The following CCDC181 variants were observed in gnomAD, a reference collection of about 807,000 sequenced individuals.
The protein encoded by CCDC181 is coiled-coil domain-containing protein 181.
A neutral mutation model predicts 58.7 loss-of-function variants in CCDC181; 35 were observed. The observed-to-expected ratio is 0.60, with a 90% CI of 0.46 to 0.79. The LOEUF (loss-of-function observed/expected upper bound fraction) is 0.79, where lower values mean the gene tolerates loss of function less well. Ranked by LOEUF, CCDC181 falls within the 30% of genes least tolerant of loss-of-function variation. The pLI, the probability that CCDC181 is intolerant of heterozygous loss-of-function variation, is 0.00. For missense variants in CCDC181, 517 were observed against 583.9 expected (o/e 0.89, Z 1.18); for synonymous variants, 183 against 197.5 (o/e 0.93, Z 0.62).
intron 2 of CCDC181, among the ~76,000 whole-genome samples, chr1:169,438,081 TTGTAGG>T (rs1369436371): frequency 3.9e-5 from 6 of 152,140 alleles, no homozygotes; most frequent in Non-Finnish European, 8.8e-5. Context: ...AAAAGCAGGC[TTGTAGG>T]TGTCCTAAAC....
chr1:169,399,989 T>C (rs548755404), intron 4 of CCDC181, among the ~76,000 whole-genome samples: 1 of 152,186 alleles, frequency 6.6e-6, no homozygotes, highest in Non-Finnish European at 1.5e-5. Flanking sequence ...TGTGGAGGGA[T>C]GCTCCAAGAG....
At position 169,397,348 on chromosome 1, in the gene CCDC181, T is replaced by C; in HGVS notation, c.1259A>G (p.Lys420Arg). 6.2e-7 allele frequency: 1 copy of C among 1,611,572 alleles called. No homozygotes were observed. Among genetic ancestry groups the C allele is most frequent in the Non-Finnish European group, 8.5e-7 (1 of 1,178,924 alleles). Residue 420 changes from lysine to arginine, a missense_variant, in exon 5 of 6, where the codon AAA (lysine) becomes AGA (arginine). Lys to Arg is a conservative substitution (Grantham distance 26). Transcript: ENST00000367806. ...DPQQAFRLWL[K>R]KKHEEQMKER... ...TTTCATCTGCTCTTCGTGCTTTTTT[T>C]TAAGCCATAATCGAAAAGCTTGTTG...
Position 169,422,291 on chromosome 1 carries a change from T to C in CCDC181, c.140A>G (p.Asn47Ser). 2 of 1,558,786 alleles carry C rather than the reference T, an allele frequency of 1.3e-6. No homozygotes were observed. Among genetic ancestry groups the C allele is most frequent in the Non-Finnish European group, 1.7e-6 (2 of 1,145,288 alleles). Residue 47 changes from asparagine (N) to serine (S), a missense_variant, in exon 3 of 6, where the codon AAT (asparagine) becomes AGT (serine). Physicochemically the swap from Asn to Ser is conservative, Grantham distance 46 (BLOSUM62 1). Coordinates refer to ENST00000367806, the MANE Select transcript of CCDC181 (RefSeq NM_001300969.2). ...ATTCTCTTTTAAGTCTTGGTTAATA[T>C]TCTCTTCCTTCTCACAAGCCATCTA... ...IIEMACEKEE[N>S]INQDLKENET...
At chr1:169,419,988 T>A (rs993029925) in intron 3 of CCDC181, among the ~76,000 whole-genome samples, 2 of 152,194 alleles carry the variant, frequency 1.3e-5, no homozygotes, top group African/African-American at 4.8e-5. Flanking sequence ...AAGTTAGTTA[T>A]AGGATACAAT....
At chr1:169,398,380 G>C (rs1044015917) in intron 4 of CCDC181, among the ~76,000 whole-genome samples, 12 of 152,122 alleles carry the variant, frequency 7.9e-5, no homozygotes, top group Non-Finnish European at 1.6e-4. Flanking sequence ...ACATCACACT[G>C]TACTCCATAA....
At chr1:169,432,393 G>C (rs1389376697), upstream of CCDC181, among the ~76,000 whole-genome samples, 1 of 152,166 alleles carries the variant, frequency 6.6e-6, no homozygotes. Context: ...GGGAGTCCTT[G>C]AGAAAAGAGA....
At chr1:169,434,321 G>GCACT (rs1365249672) in intron 2 of CCDC181, among the ~76,000 whole-genome samples, 1 of 151,942 alleles carries the variant, frequency 6.6e-6, no homozygotes, top group Non-Finnish European at 1.5e-5. Context: ...AAACCCTTAT[G>GCACT]CACTGTTAGT....
Position 169,450,633 on chromosome 1 carries a change from G to C in CCDC181, c.-24+9164C>G, listed in dbSNP as rs545737079. Among the ~76,000 whole-genome samples, 268 of 152,228 alleles carry C rather than the reference G, an allele frequency of 1.8e-3. 3 individuals carry two copies. The highest frequency in any genetic ancestry group is 1.4e-3 in the Non-Finnish European group (96 of 68,012). The stretch of plus-strand genomic sequence containing the variant: ...TATAAGAATGTGCATACAAGTCTTT[G>C]TGTCAACCTATGTGTTTATTTATAT... On this transcript the variant is annotated intron_variant, in intron 2 of 6. Transcript: ENST00000545005.
intron 2 of CCDC181, among the ~76,000 whole-genome samples, chr1:169,444,176 C>G (rs748843904): frequency 2.0e-5 from 3 of 152,154 alleles, no homozygotes; most frequent in African/African-American, 7.2e-5. Flanking sequence ...AGTGCCAACA[C>G]CCTTCATTGG....
chr1:169,435,489 G>A (rs148381099), intron 2 of CCDC181, among the ~76,000 whole-genome samples: 1,955 of 152,264 alleles, frequency 0.013, 31 homozygotes, highest in Middle Eastern at 0.024. Context: ...GGGTTTTCCA[G>A]GACTGATTGA....
intron 3 of CCDC181, among the ~76,000 whole-genome samples, chr1:169,419,898 G>C (rs1028281038): frequency 1.3e-5 from 2 of 152,116 alleles, no homozygotes; most frequent in African/African-American, 4.8e-5. Flanking sequence ...GAAAATATGG[G>C]CATAAAAAAG....
intron 4 of CCDC181, among the ~76,000 whole-genome samples, chr1:169,402,595 C>G (rs1655413018): frequency 1.3e-5 from 2 of 152,120 alleles, no homozygotes; most frequent in African/African-American, 4.8e-5. Context: ...ACCTTACAGA[C>G]AAGCAAATGC....
Position 169,394,908 on chromosome 1 carries a change from A to G in CCDC181, c.*139T>C. 2 of 744,718 alleles carry G rather than the reference A, an allele frequency of 2.7e-6. No homozygotes were observed. Among genetic ancestry groups the G allele is most frequent in the African/African-American group, 1.8e-5 (1 of 55,502 alleles). 46.1% of individuals were successfully genotyped at this position (744,718 alleles called of 1,614,324 possible). On this transcript the variant is annotated 3_prime_UTR_variant, in exon 6 of 6. Coordinates refer to ENST00000367806, the MANE Select transcript of CCDC181 (RefSeq NM_001300969.2). ...AGAAAAAAATTTATTTTGTTCTAGT[A>G]TTAAAAAAACAAATTCACTGTCAAT... is the stretch of plus-strand genomic sequence containing the variant.
chr1:169,449,776 A>G (rs1452358923), intron 2 of CCDC181, among the ~76,000 whole-genome samples: 7 of 152,180 alleles, frequency 4.6e-5, no homozygotes, highest in Non-Finnish European at 2.9e-5. Context: ...TCTAGCTGCG[A>G]TGGCAGCTGA....
At chr1:169,456,440 GCTAATGA>G (rs1657677886) in intron 2 of CCDC181, among the ~76,000 whole-genome samples, 1 of 151,894 alleles carries the variant, frequency 6.6e-6, no homozygotes. Context: ...AATTAGTAAA[GCTAATGA>G]CTGTTTGGTG....
chr1:169,397,152 T>G (rs1655089733), intron 5 of CCDC181, 85 bp downstream of exon 5: 8 of 1,299,156 alleles, frequency 6.2e-6, no homozygotes, highest in Non-Finnish European at 8.2e-6. Context: ...TTGAGGGTTT[T>G]TTTTTTCCAA....
At chr1:169,449,714 G>A (rs1226606978) in intron 2 of CCDC181, among the ~76,000 whole-genome samples, 1 of 152,210 alleles carries the variant, frequency 6.6e-6, no homozygotes, top group Non-Finnish European at 1.5e-5. Context: ...AAAGATGAAG[G>A]CTGGAAGACT....
chr1:169,408,974 C>G (rs1186261397), intron 4 of CCDC181, among the ~76,000 whole-genome samples: 1 of 152,190 alleles, frequency 6.6e-6, no homozygotes, highest in Non-Finnish European at 1.5e-5. Context: ...ACCAGAATGC[C>G]TCTTCTCCTC....
rs533314668 is a variant in CCDC181, at chr1:169,423,929, A to G, written c.117+882T>C. On this transcript the variant is annotated intron_variant, in intron 2 of 5. Coordinates refer to ENST00000367806, the MANE Select transcript of CCDC181 (RefSeq NM_001300969.2). ...TGTCTTTTCCATTATATAAGAAAGC[A>G]AAATGGAACTAAGAAATCTGTAATA... is the stretch of plus-strand genomic sequence containing the variant. 9.2e-5 allele frequency among the ~76,000 whole-genome samples: 14 copies of G among 152,124 alleles called. No individual in the cohort carries two copies. The East Asian group carries it at 2.7e-3, about 29-fold the overall frequency.
Sources: allele counts gnomAD v4.1 joint callset (sites outside exome capture counted in the v4.1 genomes callset), GRCh38; gene constraint gnomAD v4.1.1; transcripts MANE v1.5; gene names NCBI Gene and HGNC (gene_info 2026-07-23, HGNC 2026-07-21).